Variants in IL1RAPL1 observed in about 807,000 individuals in gnomAD.
IL1RAPL1 encodes interleukin-1 receptor accessory protein-like 1.
IL1RAPL1 carries 3 observed loss-of-function variants against 48.4 expected under a neutral mutation model. That is an observed-to-expected ratio of 0.06 (90% CI 0.03 to 0.16). The LOEUF is 0.16. IL1RAPL1 is among the 10% of genes least tolerant of loss of function. The pLI is 1.00. For missense variants in IL1RAPL1, 349 were observed against 530.6 expected (o/e 0.66, Z 3.36); for synonymous variants, 185 against 187.7 (o/e 0.99, Z 0.12).
At chrX:29,793,589 A>G (rs763603778) in intron 6 of IL1RAPL1, among the ~76,000 whole-genome samples, 41 of 112,373 alleles carry the variant, frequency 3.6e-4, no homozygotes, top group African/African-American at 1.2e-3. Context: ...CAAGCAGGTC[A>G]TGATTATACT....
At chrX:29,085,026 T>A (rs1927923944) in intron 2 of IL1RAPL1, among the ~76,000 whole-genome samples, 1 of 112,084 alleles carries the variant, frequency 8.9e-6, no homozygotes. Flanking sequence ...ATATTGAAAT[T>A]CCACTCAAAT....
At chrX:28,884,056 G>C (rs747188062) in intron 2 of IL1RAPL1, among the ~76,000 whole-genome samples, 7 of 111,597 alleles carry the variant, frequency 6.3e-5, no homozygotes, top group African/African-American at 1.9e-4. Flanking sequence ...ATATAGCATT[G>C]GGAGATATAC....
At chrX:29,389,762 C>G (rs1414160993) in intron 3 of IL1RAPL1, among the ~76,000 whole-genome samples, 2 of 112,221 alleles carry the variant, frequency 1.8e-5, no homozygotes, top group African/African-American at 6.5e-5. Context: ...TTCACCAGTT[C>G]AACAAAATGT....
rs1462190330 is a variant in IL1RAPL1, at chrX:29,917,322, T to C, written c.779-142T>C. 4 of 556,354 alleles carry C rather than the reference T, an allele frequency of 7.2e-6. No individual in the cohort carries two copies. In the East Asian group the frequency reaches 1.1e-4, roughly 16 times the overall value. 45.8% of individuals were successfully genotyped at this position (556,354 alleles called of 1,213,427 possible). A position where few individuals can be genotyped will look rare whatever the true frequency, so the allele number is the denominator to read the frequency against. ...ACACATTCTATCAATTTGACAAAGA[T>C]TGAAAATCCCTGAAAAATTATTCTT... On this transcript the variant is annotated intron_variant, in intron 6 of 10. Coordinates refer to ENST00000378993, the MANE Select transcript of IL1RAPL1 (RefSeq NM_014271.4).
chrX:29,002,922 C>T (rs1361058536), intron 2 of IL1RAPL1, among the ~76,000 whole-genome samples: 4 of 110,183 alleles, frequency 3.6e-5, no homozygotes, highest in Non-Finnish European at 7.6e-5. Context: ...TGTGTACACA[C>T]ACACACACAC....
chrX:29,538,480 G>A (rs1363453182), intron 5 of IL1RAPL1, among the ~76,000 whole-genome samples: 1 of 106,828 alleles, frequency 9.4e-6, no homozygotes, highest in Non-Finnish European at 1.9e-5. Flanking sequence ...TGGGATTACA[G>A]GCGCCTGCTA....
chrX:28,730,773 A>G (rs1365309419), intron 1 of IL1RAPL1, among the ~76,000 whole-genome samples: 4 of 112,048 alleles, frequency 3.6e-5, no homozygotes, highest in African/African-American at 1.3e-4. Context: ...TAACATATAT[A>G]TGGACTTTGA....
chrX:29,814,886 T>G (rs1254362087), intron 6 of IL1RAPL1, among the ~76,000 whole-genome samples: 4 of 111,063 alleles, frequency 3.6e-5, no homozygotes, highest in Non-Finnish European at 7.6e-5. Flanking sequence ...GATCAGATGG[T>G]TGTAGGGTGT....
At chrX:28,647,328 C>T (rs1934624790) in intron 1 of IL1RAPL1, among the ~76,000 whole-genome samples, 1 of 111,904 alleles carries the variant, frequency 8.9e-6, no homozygotes, top group Non-Finnish European at 1.9e-5. Context: ...TCTGCTGCCC[C>T]CAACCTTAGT....
At chrX:28,788,983 T>C (rs1936504516) in intron 1 of IL1RAPL1, among the ~76,000 whole-genome samples, 1 of 111,860 alleles carries the variant, frequency 8.9e-6, no homozygotes, top group South Asian at 3.7e-4. Flanking sequence ...TTTATTAAGA[T>C]AAATTGTTAG....
At chrX:29,373,327 C>A (rs890904666) in intron 3 of IL1RAPL1, among the ~76,000 whole-genome samples, 1 of 111,549 alleles carries the variant, frequency 9.0e-6, no homozygotes, top group African/African-American at 3.3e-5. Flanking sequence ...CTGAGTCTTT[C>A]GGATTTTCTA....
intron 6 of IL1RAPL1, among the ~76,000 whole-genome samples, chrX:29,815,175 C>A (rs1472638935): frequency 1.8e-5 from 2 of 111,399 alleles, no homozygotes; most frequent in Non-Finnish European, 3.8e-5. Flanking sequence ...TTGGGCAGTA[C>A]AACCATTTTA....
At chrX:29,026,863 G>A (rs1009984716) in intron 2 of IL1RAPL1, among the ~76,000 whole-genome samples, 3 of 111,608 alleles carry the variant, frequency 2.7e-5, no homozygotes, top group Non-Finnish European at 5.6e-5. Context: ...CATAGTTTTA[G>A]TTTTTGTAAT....
intron 1 of IL1RAPL1, among the ~76,000 whole-genome samples, chrX:28,588,498 AAATATGTTTTC>A (rs1175301998): frequency 8.9e-6 from 1 of 111,972 alleles, no homozygotes; most frequent in Non-Finnish European, 1.9e-5. Flanking sequence ...GCATTAAAAG[AAATATGTTTTC>A]AACTCAGTGC....
chrX:29,556,117 G>C (rs755182978), intron 5 of IL1RAPL1, among the ~76,000 whole-genome samples: 3 of 111,747 alleles, frequency 2.7e-5, no homozygotes, highest in Admixed American at 1.9e-4. Flanking sequence ...GGGAGGACTG[G>C]AAGGCACAGC....
At chrX:28,920,570 G>A (rs1923592000) in intron 2 of IL1RAPL1, among the ~76,000 whole-genome samples, 1 of 111,815 alleles carries the variant, frequency 8.9e-6, no homozygotes, top group Admixed American at 9.5e-5. Context: ...TAGTTTTGGG[G>A]TGTTGTGGTT....
chrX:28,843,313 A>G (rs1162364823), intron 2 of IL1RAPL1, among the ~76,000 whole-genome samples: 1 of 110,631 alleles, frequency 9.0e-6, no homozygotes, highest in East Asian at 2.8e-4. Context: ...ATTGTCTTAA[A>G]GGGCTTGGCT....
chrX:29,727,149 C>T (rs1472931564), intron 6 of IL1RAPL1, among the ~76,000 whole-genome samples: 2 of 111,792 alleles, frequency 1.8e-5, no homozygotes, highest in East Asian at 5.7e-4. Context: ...TCTGCTCTTT[C>T]TTCCAGAAAT....
intron 5 of IL1RAPL1, among the ~76,000 whole-genome samples, chrX:29,482,410 G>A (rs1227422640): frequency 1.8e-5 from 2 of 111,913 alleles, no homozygotes; most frequent in Non-Finnish European, 3.8e-5. Flanking sequence ...TAATCATGGG[G>A]TTGTTATGAG....
Sources: gnomAD v4.1 joint callset for allele counts (sites outside exome capture counted in the v4.1 genomes callset) on GRCh38, gnomAD v4.1.1 for gene constraint, MANE v1.5 for transcripts, NCBI Gene and HGNC (gene_info 2026-07-23, HGNC 2026-07-21) for gene names.